The following ZNF626 variants were observed in gnomAD, a reference collection of about 807,000 sequenced individuals.
ZNF626 encodes zinc finger protein 626, also known as CTC-513N18.7.
Under a neutral mutation model 11.7 loss-of-function variants are expected in ZNF626, and 4 were observed. The observed-to-expected ratio is 0.34, with a 90% CI of 0.17 to 0.78. The LOEUF (loss-of-function observed/expected upper bound fraction) is 0.78, where lower values mean the gene tolerates loss of function less well. Among genes scored for constraint, ZNF626 ranks in the 30% least tolerant of loss-of-function variants. The pLI, the probability that ZNF626 is intolerant of heterozygous loss-of-function variation, is 0.57. For synonymous variants in ZNF626, 179 were observed against 198.6 expected (o/e 0.90, Z 0.83); for missense variants, 588 against 587.1 (o/e 1.00, Z -0.01).
Position 20,661,511 on chromosome 19 carries a change from C to T in ZNF626, c.-65G>A. 1 of 1,583,884 alleles carries T rather than the reference C, an allele frequency of 6.3e-7. No homozygotes were observed. Among genetic ancestry groups the T allele is most frequent in the South Asian group, 1.1e-5 (1 of 89,046 alleles). ...CTCCCAATACCTGCAGGACACGGGG[C>T]CACACAGCCTGGGCCTTTAGGAGAA... On this transcript the variant is annotated 5_prime_UTR_variant, in exon 1 of 4. Coordinates refer to ENST00000601440, the MANE Select transcript of ZNF626 (RefSeq NM_001076675.3).
chr19:20,630,902 T>A (rs1411669566), intron 3 of ZNF626, among the ~76,000 whole-genome samples: 1 of 151,946 alleles, frequency 6.6e-6, no homozygotes, highest in Non-Finnish European at 1.5e-5. Flanking sequence ...CTTTCTCTTG[T>A]GGGCATTTAG....
Position 20,620,694 on chromosome 19 carries a change from G to A in ZNF626, c.*3596C>T, listed in dbSNP as rs1189706784. On this transcript the variant is annotated 3_prime_UTR_variant, in exon 4 of 4. Coordinates refer to ENST00000601440, the MANE Select transcript of ZNF626 (RefSeq NM_001076675.3). ...TCAGCCTCCAGGTGTGCGCCACCAT[G>A]ACTGGCTAATTTTTCTATTTTTAGT... 4 of 151,904 alleles carry A rather than the reference G, an allele frequency of 2.6e-5. No individual in the cohort carries two copies. The highest frequency in any genetic ancestry group is 4.4e-5 in the Non-Finnish European group (3 of 68,038). 9.4% of individuals were successfully genotyped at this position (151,904 alleles called of 1,614,324 possible).
At chr19:20,633,375 C>T (rs540918321) in intron 3 of ZNF626, among the ~76,000 whole-genome samples, 1 of 128,278 alleles carries the variant, frequency 7.8e-6, no homozygotes, top group Admixed American at 7.8e-5. Flanking sequence ...CTGTGCCCTG[C>T]CCCCAGAGGT....
intron 3 of ZNF626, among the ~76,000 whole-genome samples, chr19:20,636,408 AT>A (rs1275771530): frequency 6.6e-6 from 1 of 152,010 alleles, no homozygotes; most frequent in African/African-American, 2.4e-5. Context: ...ACATAATTAA[AT>A]GATGTGATGT....
Position 20,624,651 on chromosome 19 carries a change from G to T in ZNF626, c.1226C>A (p.Ser409Tyr), listed in dbSNP as rs782625286. The change falls in exon 4 of 4, where the codon TCC (serine) becomes TAC (tyrosine). Residue 409 changes from serine (S) to tyrosine (Y), a missense_variant. By Grantham distance (144) the Ser-to-Tyr change is moderately radical. Around this residue, in one of 4 missense-constraint regions of ZNF626, gnomAD observed 15 missense variants for 28.3 expected, o/e 0.53. Coordinates refer to ENST00000601440, the MANE Select transcript of ZNF626 (RefSeq NM_001076675.3). ...CEECGKAFKY[S>Y]SNLTTHKKIH... ...TTTCTTATGTGTAGTAAGGTTAGAG[G>T]AGTACTTAAAAGCTTTGCCACATTC... The T allele has an allele frequency of 6.3e-7, 1 of 1,592,564 alleles. No homozygotes were observed. The highest frequency in any genetic ancestry group is 1.1e-5 in the South Asian group (1 of 89,414).
intron 1 of ZNF626, 29 bp from the exon 2 acceptor site, chr19:20,646,434 C>A: frequency 6.2e-7 from 1 of 1,613,316 alleles, no homozygotes; most frequent in South Asian, 1.1e-5. Flanking sequence ...CACATTTTTA[C>A]CAAGTGGCCA....
In ZNF626 at chr19:20,624,653, G is replaced by T; in HGVS notation, c.1224C>A (p.Tyr408Ter). ...KCEECGKAFK[Y>*]SSNLTTHKKI... is the part of the protein sequence containing the mutation. The stretch of plus-strand genomic sequence containing the variant: ...TCTTATGTGTAGTAAGGTTAGAGGA[G>T]TACTTAAAAGCTTTGCCACATTCTT... Residue 408 changes from tyrosine (Y) to a stop codon, truncating the protein, a stop_gained, in exon 4 of 4, where the codon TAC becomes TAA. Transcript: ENST00000601440. LOFTEE classifies it low-confidence loss of function (END_TRUNC). 1 of 1,587,772 alleles carries T rather than the reference G, an allele frequency of 6.3e-7. No homozygotes were observed. The highest frequency in any genetic ancestry group is 8.6e-7 in the Non-Finnish European group (1 of 1,164,202).
At chr19:20,644,725 A>C (rs1264383555) in intron 3 of ZNF626, 1 of 152,240 alleles carries the variant, frequency 6.6e-6, no homozygotes, top group Non-Finnish European at 1.5e-5. Flanking sequence ...CTTATATTTA[A>C]AAAACCATAA....
At chr19:20,625,739 A>G (rs1969822994) in intron 3 of ZNF626, 89 bp from the exon 4 acceptor site, 1 of 1,324,434 alleles carries the variant, frequency 7.6e-7, no homozygotes, top group Admixed American at 3.0e-5. Flanking sequence ...TTTTATACAA[A>G]CTACATAAGC....
At chr19:20,627,119 C>CA (rs1348441067) in intron 3 of ZNF626, among the ~76,000 whole-genome samples, 1 of 147,552 alleles carries the variant, frequency 6.8e-6, no homozygotes. Flanking sequence ...ATTGAAATAG[C>CA]AAAAAAACAA....
At chr19:20,641,982 A>C (rs1970029305) in intron 3 of ZNF626, among the ~76,000 whole-genome samples, 1 of 152,150 alleles carries the variant, frequency 6.6e-6, no homozygotes, top group African/African-American at 2.4e-5. Context: ...TTACCTTCAA[A>C]TCACAAAACT....
chr19:20,636,617 A>G (rs1969968065), intron 3 of ZNF626, among the ~76,000 whole-genome samples: 1 of 152,098 alleles, frequency 6.6e-6, no homozygotes, highest in Non-Finnish European at 1.5e-5. Flanking sequence ...AAAACTTCTA[A>G]CCAGTAATAC....
In ZNF626 at chr19:20,625,314, A is replaced by G; in HGVS notation, c.563T>C (p.Leu188Pro). 6.2e-7 allele frequency: 1 copy of G among 1,613,658 alleles called. No individual in the cohort carries two copies. Among genetic ancestry groups the G allele is most frequent in the Non-Finnish European group, 8.5e-7 (1 of 1,179,704 alleles). The change falls in exon 4 of 4, where the codon CTT (leucine) becomes CCT (proline). Residue 188 changes from leucine (L) to proline (P), a missense_variant. Coordinates refer to ENST00000601440, the MANE Select transcript of ZNF626 (RefSeq NM_001076675.3). ...CGKAFKQFST[L>P]TTHKKIHTGG... ...AGTATGAATTTTCTTATGTGTAGTA[A>G]GAGTTGAGAACTGCTTAAAAGCTTT...
At chr19:20,647,528 C>T (rs572340116) in intron 1 of ZNF626, among the ~76,000 whole-genome samples, 1 of 143,096 alleles carries the variant, frequency 7.0e-6, no homozygotes, top group Non-Finnish European at 1.5e-5. Flanking sequence ...GCTCTGTCGC[C>T]CAGGCTGGAG....
At chr19:20,641,299 C>G (rs148606572) in intron 3 of ZNF626, among the ~76,000 whole-genome samples, 1 of 152,134 alleles carries the variant, frequency 6.6e-6, no homozygotes, top group East Asian at 1.9e-4. Flanking sequence ...GAATATTATT[C>G]CACCTTAAAT....
chr19:20,658,370 C>G (rs1555773345), intron 1 of ZNF626, among the ~76,000 whole-genome samples: 1 of 152,094 alleles, frequency 6.6e-6, no homozygotes, highest in African/African-American at 2.4e-5. Flanking sequence ...ACGCTAGGAT[C>G]AAAAATGCCA....
At position 20,625,080 on chromosome 19, in the gene ZNF626, A is replaced by C. The variant is rs567791654; in HGVS notation, c.797T>G (p.Phe266Cys). 22 of 1,613,524 alleles carry C rather than the reference A, an allele frequency of 1.4e-5. No homozygotes were observed. Among genetic ancestry groups the C allele is most frequent in the Admixed American group, 6.7e-5 (4 of 59,992 alleles). ...TTTACTAAGGGTTGAGGATGACATAAAGGCTTTGCCACATTTATCACACTT... is the reference window on the plus strand; with the variant it reads ...TTTACTAAGGGTTGAGGATGACATACAGGCTTTGCCACATTTATCACACTT... ...PYKCDKCGKA[F>C]MSSSTLSKHE... is the part of the protein sequence containing the mutation. The change falls in exon 4 of 4, where the codon TTT (phenylalanine) becomes TGT (cysteine). Residue 266 changes from phenylalanine (F) to cysteine (C), a missense_variant. Transcript: ENST00000601440.
At chr19:20,659,487 C>A (rs1431495844) in intron 1 of ZNF626, among the ~76,000 whole-genome samples, 3 of 152,102 alleles carry the variant, frequency 2.0e-5, no homozygotes, top group Non-Finnish European at 4.4e-5. Context: ...GTGATCCGTC[C>A]GCCTAGGCCT....
chr19:20,657,510 G>C (rs1183159654), intron 1 of ZNF626, among the ~76,000 whole-genome samples: 1 of 151,838 alleles, frequency 6.6e-6, no homozygotes, highest in African/African-American at 2.4e-5. Context: ...ATTATTCTTA[G>C]AAAACTAATG....
Sources: allele counts gnomAD v4.1 joint callset (sites outside exome capture counted in the v4.1 genomes callset), GRCh38; gene constraint gnomAD v4.1.1; regional missense constraint gnomAD v4.1.1; transcripts MANE v1.5; gene names NCBI Gene and HGNC (gene_info 2026-07-23, HGNC 2026-07-21).